CRYL1: variants seen among roughly 807,000 people sequenced by gnomAD.
CRYL1 encodes crystallin lambda 1, also known as lambda-crystallin homolog.
Under a neutral mutation model 36.6 loss-of-function variants are expected in CRYL1, and 29 were observed. The observed-to-expected ratio is 0.79, with a 90% confidence interval of 0.59 to 1.08. CRYL1 has a LOEUF of 1.08. Among genes scored for constraint, CRYL1 ranks in the 50% least tolerant of loss-of-function variants. The probability of loss-of-function intolerance (pLI) is 0.00; values close to 1 mark genes in which losing one functional copy is unlikely to be tolerated. For synonymous variants in CRYL1, 152 were observed against 151.5 expected (o/e 1.00, Z -0.02); for missense variants, 411 against 407.9 (o/e 1.01, Z -0.06).
chr13:20,468,381 C>T (rs2032986040), intron 3 of CRYL1, among the ~76,000 whole-genome samples: 1 of 152,188 alleles, frequency 6.6e-6, no homozygotes, highest in South Asian at 2.1e-4. Flanking sequence ...CCCAACTCAG[C>T]CTCCTGAGTA....
At chr13:20,487,072 A>G (rs1159862065) in intron 3 of CRYL1, among the ~76,000 whole-genome samples, 1 of 152,188 alleles carries the variant, frequency 6.6e-6, no homozygotes, top group Non-Finnish European at 1.5e-5. Context: ...CATTAACCAG[A>G]ACTAATTCAG....
chr13:20,482,690 C>A (rs1047481078), intron 3 of CRYL1, among the ~76,000 whole-genome samples: 39 of 152,202 alleles, frequency 2.6e-4, no homozygotes, highest in Non-Finnish European at 5.7e-4. Context: ...TGGGGCTGGG[C>A]AGATCCGACA....
chr13:20,405,376 G>C (rs2031343494), intron 6 of CRYL1, among the ~76,000 whole-genome samples: 1 of 152,314 alleles, frequency 6.6e-6, no homozygotes, highest in Non-Finnish European at 1.5e-5. Context: ...TGATTTGTTG[G>C]CTATCACAGT....
chr13:20,418,316 G>A (rs980007262), intron 5 of CRYL1: 1 of 152,176 alleles, frequency 6.6e-6, no homozygotes, highest in African/African-American at 2.4e-5. Flanking sequence ...TTTGTTTGTG[G>A]GGTGGGGATG....
At chr13:20,513,764 T>C (rs1329287219) in intron 1 of CRYL1, 1 of 151,958 alleles carries the variant, frequency 6.6e-6, no homozygotes, top group Non-Finnish European at 1.5e-5. Flanking sequence ...ACAGAACACA[T>C]CTAGAGTCCA....
chr13:20,506,040 G>C (rs1437869251), intron 2 of CRYL1, among the ~76,000 whole-genome samples: 1 of 152,192 alleles, frequency 6.6e-6, no homozygotes, highest in Non-Finnish European at 1.5e-5. Context: ...TGGTACATTT[G>C]AAGATCTTGC....
At chr13:20,473,803 C>T (rs2033108365) in intron 3 of CRYL1, among the ~76,000 whole-genome samples, 1 of 152,190 alleles carries the variant, frequency 6.6e-6, no homozygotes, top group Non-Finnish European at 1.5e-5. Context: ...TTCCATTTCT[C>T]TTTTCATCAT....
At chr13:20,434,214 G>A (rs1183098349) in intron 4 of CRYL1, among the ~76,000 whole-genome samples, 1 of 152,160 alleles carries the variant, frequency 6.6e-6, no homozygotes, top group Non-Finnish European at 1.5e-5. Flanking sequence ...TGAGAGGTGA[G>A]GCCAGCTGGA....
intron 2 of CRYL1, among the ~76,000 whole-genome samples, chr13:20,500,076 AC>A (rs2033677370): frequency 6.6e-6 from 1 of 152,260 alleles, no homozygotes; most frequent in Non-Finnish European, 1.5e-5. Flanking sequence ...TAATGGAAAC[AC>A]TGATGTGTTC....
intron 3 of CRYL1, among the ~76,000 whole-genome samples, chr13:20,484,122 C>T (rs1337508229): frequency 6.6e-6 from 1 of 152,154 alleles, no homozygotes; most frequent in Non-Finnish European, 1.5e-5. Flanking sequence ...GGCCAAAATA[C>T]AGCAATTAAT....
intron 4 of CRYL1, among the ~76,000 whole-genome samples, chr13:20,437,627 G>A (rs1302862087): frequency 1.3e-5 from 2 of 152,140 alleles, no homozygotes; most frequent in African/African-American, 4.8e-5. Context: ...TTAAATAAGT[G>A]AGCAATAGTG....
chr13:20,403,889 A>T lies in CRYL1; in HGVS notation c.*240T>A. ...GTGAAAATCTCCAGGTTATCTGCCC[A>T]GGTGGCAGGAAATCGACAGCCCCGA... On this transcript the variant is annotated 3_prime_UTR_variant, in exon 8 of 8. Coordinates refer to ENST00000298248, the MANE Select transcript of CRYL1 (RefSeq NM_015974.3). 1 of 370,580 alleles carries T rather than the reference A, an allele frequency of 2.7e-6. No homozygotes were observed. The highest frequency in any genetic ancestry group is 4.8e-6 in the Non-Finnish European group (1 of 207,392). The allele number at this position is 370,580 out of a possible 1,614,324, so 23.0% of individuals were successfully genotyped here. A position where few individuals can be genotyped will look rare whatever the true frequency, so the allele number is the denominator to read the frequency against.
At position 20,404,187 on chromosome 13, in the gene CRYL1, C is replaced by G; in HGVS notation, c.902G>C (p.Trp301Ser). ...GAGTCTCATGAGGCACTCGTCCCTC[C>G]ACTGCCTCCTGGCAGCTAAGTGCTC... is the stretch of plus-strand genomic sequence containing the variant. ...DPEHLAARRQ[W>S]RDECLMRLAK... Residue 301 changes from tryptophan (W) to serine (S), a missense_variant, in exon 8 of 8, where the codon TGG (tryptophan) becomes TCG (serine). Coordinates refer to ENST00000298248, the MANE Select transcript of CRYL1 (RefSeq NM_015974.3). The G allele has an allele frequency of 6.2e-7, 1 of 1,614,110 alleles. No homozygotes were observed. The highest frequency in any genetic ancestry group is 8.5e-7 in the Non-Finnish European group (1 of 1,179,982).
At chr13:20,441,970 T>C (rs143287047) in intron 3 of CRYL1, among the ~76,000 whole-genome samples, 2 of 152,146 alleles carry the variant, frequency 1.3e-5, no homozygotes, top group Admixed American at 1.3e-4. Context: ...GTAAAGCCCA[T>C]TGTGTTAACT....
At chr13:20,464,470 A>G (rs1275748787) in intron 3 of CRYL1, among the ~76,000 whole-genome samples, 1 of 152,230 alleles carries the variant, frequency 6.6e-6, no homozygotes, top group African/African-American at 2.4e-5. Flanking sequence ...TCTGATTGTT[A>G]GAAATATGTA....
intron 3 of CRYL1, among the ~76,000 whole-genome samples, chr13:20,487,022 C>T (rs1362098936): frequency 1.3e-5 from 2 of 152,040 alleles, no homozygotes; most frequent in South Asian, 2.1e-4. Context: ...ATGGAGGGTT[C>T]ACCACTTTAT....
intron 3 of CRYL1, among the ~76,000 whole-genome samples, chr13:20,472,314 T>C (rs1303920719): frequency 6.6e-6 from 1 of 152,134 alleles, no homozygotes; most frequent in Non-Finnish European, 1.5e-5. Flanking sequence ...TAGGGAACAA[T>C]GACAAGAAAA....
At chr13:20,516,127 G>T (rs1415246518) in intron 1 of CRYL1, among the ~76,000 whole-genome samples, 1 of 131,928 alleles carries the variant, frequency 7.6e-6, no homozygotes, top group Non-Finnish European at 1.5e-5. Context: ...TGGGGAGGAG[G>T]TTGCGGTGAG....
At chr13:20,465,363 A>G (rs2032911230) in intron 3 of CRYL1, among the ~76,000 whole-genome samples, 1 of 152,220 alleles carries the variant, frequency 6.6e-6, no homozygotes, top group Admixed American at 6.5e-5. Context: ...ATCTCTGCAC[A>G]TCAGAGAAAC....
Sources: gnomAD v4.1 joint callset for allele counts (sites outside exome capture counted in the v4.1 genomes callset) on GRCh38, gnomAD v4.1.1 for gene constraint, MANE v1.5 for transcripts, NCBI Gene and HGNC (gene_info 2026-07-23, HGNC 2026-07-21) for gene names.